KAZN: variants seen among roughly 807,000 people sequenced by gnomAD.
KAZN encodes the protein kazrin.
Under a neutral mutation model 87.4 loss-of-function variants are expected in KAZN, and 40 were observed. That is an observed-to-expected ratio of 0.46 (90% CI 0.36 to 0.60). The LOEUF is 0.60. Among genes scored for constraint, KAZN ranks in the 20% least tolerant of loss-of-function variants. The pLI is 0.00. For missense variants in KAZN, 898 were observed against 1,073.9 expected (o/e 0.84, Z 2.29); for synonymous variants, 466 against 458.3 (o/e 1.02, Z -0.22).
intron 2 of KAZN, among the ~76,000 whole-genome samples, chr1:14,509,080 G>A (rs549335519): frequency 1.2e-4 from 19 of 152,316 alleles, no homozygotes; most frequent in East Asian, 3.9e-4. Context: ...GTGTTAGCAC[G>A]GAGGTACTAT....
At chr1:14,955,896 G>A (rs554520618) in intron 1 of KAZN, among the ~76,000 whole-genome samples, 10 of 152,302 alleles carry the variant, frequency 6.6e-5, no homozygotes, top group African/African-American at 1.9e-4. Context: ...CAAAATCCCC[G>A]TGAGATGAGA....
chr1:14,292,910 G>A (rs1405118263), intron 2 of KAZN, among the ~76,000 whole-genome samples: 2 of 152,312 alleles, frequency 1.3e-5, no homozygotes, highest in East Asian at 3.9e-4. Flanking sequence ...AGCTTAGCAA[G>A]GCCAGAGGAA....
chr1:14,915,314 A>G (rs1657691857), intron 1 of KAZN, among the ~76,000 whole-genome samples: 2 of 152,258 alleles, frequency 1.3e-5, no homozygotes, highest in Admixed American at 6.5e-5. Flanking sequence ...CTTTTAAGTA[A>G]GGAGTCTCCA....
chr1:14,106,352 C>T (rs1044413732), intron 1 of KAZN, among the ~76,000 whole-genome samples: 1 of 152,152 alleles, frequency 6.6e-6, no homozygotes, highest in Non-Finnish European at 1.5e-5. Context: ...AGGATTCTGC[C>T]AAAACTTGCT....
intron 1 of KAZN, among the ~76,000 whole-genome samples, chr1:14,786,012 A>G (rs573396233): frequency 6.6e-6 from 1 of 152,224 alleles, no homozygotes; most frequent in East Asian, 1.9e-4. Context: ...ATGATCTTGC[A>G]GAATCGTTGT....
At chr1:14,359,630 A>G (rs937738354) in intron 2 of KAZN, among the ~76,000 whole-genome samples, 3 of 152,128 alleles carry the variant, frequency 2.0e-5, no homozygotes, top group African/African-American at 7.2e-5. Context: ...AGGCAGGCCT[A>G]GTGGTGACAA....
intron 2 of KAZN, among the ~76,000 whole-genome samples, chr1:14,590,577 A>G (rs538348256): frequency 6.6e-6 from 1 of 152,308 alleles, no homozygotes; most frequent in East Asian, 1.9e-4. Flanking sequence ...TGGTGACCTC[A>G]GTGTTGGGAA....
intron 1 of KAZN, among the ~76,000 whole-genome samples, chr1:13,914,663 A>G (rs1047625388): frequency 2.7e-4 from 41 of 152,302 alleles, no homozygotes; most frequent in African/African-American, 9.6e-4. Context: ...CCGGTGGCAA[A>G]ACCTTAGAGC....
chr1:13,998,080 C>T (rs985384562), intron 1 of KAZN, among the ~76,000 whole-genome samples: 4 of 152,100 alleles, frequency 2.6e-5, no homozygotes, highest in South Asian at 4.1e-4. Flanking sequence ...ATTCAACATT[C>T]GTAAAAGAAT....
chr1:14,974,508 A>C (rs1232198306), intron 2 of KAZN, among the ~76,000 whole-genome samples: 1 of 152,234 alleles, frequency 6.6e-6, no homozygotes, highest in Non-Finnish European at 1.5e-5. Context: ...ATCCATACAA[A>C]GACTTGTACA....
intron 1 of KAZN, among the ~76,000 whole-genome samples, chr1:14,089,725 G>T (rs185711476): frequency 6.6e-6 from 1 of 152,064 alleles, no homozygotes; most frequent in Non-Finnish European, 1.5e-5. Flanking sequence ...GCTATTTCTG[G>T]TGCTCTTTTA....
intron 1 of KAZN, among the ~76,000 whole-genome samples, chr1:14,704,709 T>C (rs544556159): frequency 6.6e-6 from 1 of 152,302 alleles, no homozygotes; most frequent in South Asian, 2.1e-4. Flanking sequence ...TTTCTACCCT[T>C]GTGTTCTGCT....
chr1:15,110,621 C>T (rs1641570775), intron 13 of KAZN, among the ~76,000 whole-genome samples: 1 of 151,970 alleles, frequency 6.6e-6, no homozygotes, highest in Non-Finnish European at 1.5e-5. Context: ...TGTTATTAAC[C>T]CCACTCTGCT....
chr1:14,946,190 A>T (rs1004320087), intron 1 of KAZN: 3 of 152,372 alleles, frequency 2.0e-5, no homozygotes, highest in Non-Finnish European at 4.4e-5. Flanking sequence ...AAGTGGAGGG[A>T]CGTAGAGGTG....
chr1:15,070,525 G>A (rs550226366), intron 8 of KAZN, among the ~76,000 whole-genome samples: 171 of 152,314 alleles, frequency 1.1e-3, no homozygotes, highest in Non-Finnish European at 1.9e-3. Context: ...ACCCTTCCCC[G>A]CCACAGCATG....
intron 2 of KAZN, among the ~76,000 whole-genome samples, chr1:15,001,502 C>T (rs1194088136): frequency 6.6e-6 from 1 of 151,882 alleles, no homozygotes; most frequent in Non-Finnish European, 1.5e-5. Flanking sequence ...GTTGCTGGTG[C>T]CTCCAGGCCT....
chr1:15,114,302 C>A (rs1641762459), intron 14 of KAZN, 169 bp from the exon 15 acceptor site: 4 of 604,538 alleles, frequency 6.6e-6, no homozygotes, highest in African/African-American at 3.7e-5. Flanking sequence ...TCACAAACTC[C>A]CCTCAACCTC....
At chr1:13,963,120 G>T (rs962857375) in intron 1 of KAZN, among the ~76,000 whole-genome samples, 2 of 152,088 alleles carry the variant, frequency 1.3e-5, no homozygotes, top group African/African-American at 4.8e-5. Flanking sequence ...TATACTACCT[G>T]TGTTTAAAAA....
At chr1:14,653,126 G>T (rs1472962863) in intron 1 of KAZN, among the ~76,000 whole-genome samples, 1 of 152,208 alleles carries the variant, frequency 6.6e-6, no homozygotes, top group East Asian at 1.9e-4. Flanking sequence ...GGTGTTTGTG[G>T]TCATTTCTCC....
Sources: allele counts gnomAD v4.1 joint callset (sites outside exome capture counted in the v4.1 genomes callset), GRCh38; gene constraint gnomAD v4.1.1; transcripts MANE v1.5; gene names NCBI Gene and HGNC (gene_info 2026-07-23, HGNC 2026-07-21).